The following FAM168A variants were observed in gnomAD, a reference collection of about 807,000 sequenced individuals.
FAM168A encodes the protein family with sequence similarity 168 member A.
Under a neutral mutation model 28.5 loss-of-function variants are expected in FAM168A, and 3 were observed. The ratio of observed to expected loss-of-function variants is 0.11; its 90% CI spans 0.05 to 0.27. FAM168A has a LOEUF of 0.27. FAM168A is among the 10% of genes least tolerant of loss of function. FAM168A has a pLI of 1.00. For synonymous variants in FAM168A, 122 were observed against 124.2 expected, an observed-to-expected ratio of 0.98 and a Z score of 0.12; for missense variants, 222 against 311.5, an observed-to-expected ratio of 0.71 and a Z score of 2.16.
chr11:73,482,587 T>C (rs544409543), intron 1 of FAM168A, among the ~76,000 whole-genome samples: 96 of 151,904 alleles, frequency 6.3e-4, no homozygotes, highest in African/African-American at 2.1e-3. Flanking sequence ...TATATTAGTT[T>C]TTTGAAGCAA....
intron 4 of FAM168A, among the ~76,000 whole-genome samples, chr11:73,418,048 A>G (rs1866726288): frequency 6.6e-6 from 1 of 152,190 alleles, no homozygotes; most frequent in African/African-American, 2.4e-5. Flanking sequence ...ACTGAGTGTA[A>G]TGTAGATTAA....
chr11:73,491,291 C>T (rs970386230), intron 1 of FAM168A, among the ~76,000 whole-genome samples: 5 of 152,088 alleles, frequency 3.3e-5, no homozygotes, highest in Non-Finnish European at 5.9e-5. Context: ...ACCACTCCAG[C>T]GGGAAGGAGA....
chr11:73,559,655 T>G (rs1406188691), intron 1 of FAM168A, among the ~76,000 whole-genome samples: 1 of 152,158 alleles, frequency 6.6e-6, no homozygotes, highest in Admixed American at 6.5e-5. Context: ...GGAATGACTG[T>G]TTAGTGGATA....
At chr11:73,537,274 T>C (rs549567149) in intron 1 of FAM168A, among the ~76,000 whole-genome samples, 2 of 152,164 alleles carry the variant, frequency 1.3e-5, no homozygotes, top group South Asian at 2.1e-4. Flanking sequence ...AAGAAACACT[T>C]TGTAGGCCAG....
At chr11:73,523,489 T>G (rs1435403717) in intron 1 of FAM168A, among the ~76,000 whole-genome samples, 6 of 152,128 alleles carry the variant, frequency 3.9e-5, no homozygotes, top group Non-Finnish European at 8.8e-5. Context: ...AATAGATTGA[T>G]AGTTTCACAA....
Position 73,445,419 on chromosome 11 carries a change from C to CTTTTTTTTTTTTTTTT in FAM168A, c.71-14665_71-14650dup, listed in dbSNP as rs56294455. On this transcript the variant is annotated intron_variant, in intron 2 of 7. Transcript: ENST00000356467. ...CCAGTAGATATATGTAAAAATGTCT[C>CTTTTTTTTTTTTTTTT]TTTTTTTTTTTTTTTTTTTTTTTTT... Among the ~76,000 whole-genome samples the CTTTTTTTTTTTTTTTT allele has an allele frequency of 1.3e-3, 66 of 50,464 alleles. 6 individuals carry two copies. The highest frequency in any genetic ancestry group is 1.5e-3 in the African/African-American group (21 of 14,032). The allele number at this position is 50,464 out of a possible 152,430, so 33.1% of individuals were successfully genotyped here. A position where few individuals can be genotyped will look rare whatever the true frequency, so the allele number is the denominator to read the frequency against.
intron 3 of FAM168A, among the ~76,000 whole-genome samples, chr11:73,429,876 A>T (rs1391075159): frequency 6.6e-6 from 1 of 152,218 alleles, no homozygotes; most frequent in Non-Finnish European, 1.5e-5. Flanking sequence ...TTATTGAGTA[A>T]ATGGAACTTA....
intron 1 of FAM168A, among the ~76,000 whole-genome samples, chr11:73,512,527 T>A (rs1358244574): frequency 2.0e-5 from 3 of 152,240 alleles, no homozygotes; most frequent in Non-Finnish European, 4.4e-5. Context: ...AACCTCTGAA[T>A]TGTGTACTTT....
chr11:73,455,278 G>A (rs1395057995), intron 2 of FAM168A, among the ~76,000 whole-genome samples: 5 of 152,212 alleles, frequency 3.3e-5, no homozygotes, highest in Non-Finnish European at 1.5e-5. Context: ...GTTTGTTCCT[G>A]CCAGCGCCCA....
chr11:73,548,767 A>G (rs1200259611), intron 1 of FAM168A, among the ~76,000 whole-genome samples: 1 of 151,988 alleles, frequency 6.6e-6, no homozygotes. Flanking sequence ...TAGCCTGCTG[A>G]GTAGCTGGGA....
At chr11:73,590,267 G>C (rs1270761835) in intron 1 of FAM168A, among the ~76,000 whole-genome samples, 1 of 152,092 alleles carries the variant, frequency 6.6e-6, no homozygotes, top group Non-Finnish European at 1.5e-5. Flanking sequence ...ACCAGGCATG[G>C]TGGCACATGC....
chr11:73,467,785 T>C (rs532336648), intron 2 of FAM168A, among the ~76,000 whole-genome samples: 1 of 152,334 alleles, frequency 6.6e-6, no homozygotes, highest in African/African-American at 2.4e-5. Flanking sequence ...CATGAGCTAG[T>C]AGGGTATAGG....
At chr11:73,482,074 C>T (rs1383052036) in intron 1 of FAM168A, among the ~76,000 whole-genome samples, 5 of 152,056 alleles carry the variant, frequency 3.3e-5, no homozygotes, top group East Asian at 1.9e-4. Flanking sequence ...TCTTGGACCT[C>T]CCAGCCTCTA....
At chr11:73,445,992 G>A (rs921923065) in intron 2 of FAM168A, among the ~76,000 whole-genome samples, 2 of 152,228 alleles carry the variant, frequency 1.3e-5, no homozygotes, top group Non-Finnish European at 2.9e-5. Context: ...TCTGACAAAA[G>A]AGAATGAAGG....
intron 1 of FAM168A, among the ~76,000 whole-genome samples, chr11:73,522,249 A>T (rs999045385): frequency 5.3e-5 from 8 of 151,668 alleles, no homozygotes; most frequent in Non-Finnish European, 1.2e-4. Context: ...CATTTTGGAA[A>T]GCAATTTTAT....
At chr11:73,434,443 T>C (rs1316555305) in intron 2 of FAM168A, among the ~76,000 whole-genome samples, 1 of 152,196 alleles carries the variant, frequency 6.6e-6, no homozygotes, top group Admixed American at 6.5e-5. Flanking sequence ...GAGAAGGTAT[T>C]ATTTTTGCAA....
chr11:73,497,404 G>A (rs1590816499), intron 1 of FAM168A, among the ~76,000 whole-genome samples: 1 of 151,790 alleles, frequency 6.6e-6, no homozygotes, highest in East Asian at 1.9e-4. Context: ...GGCGGAGGTT[G>A]CACCACTGCA....
chr11:73,529,975 C>T (rs946453226), intron 1 of FAM168A, among the ~76,000 whole-genome samples: 3 of 151,810 alleles, frequency 2.0e-5, no homozygotes, highest in African/African-American at 7.3e-5. Context: ...TTAGTAGAGA[C>T]AGGGTTTCAC....
At chr11:73,536,810 C>T (rs896584154) in intron 1 of FAM168A, among the ~76,000 whole-genome samples, 2 of 152,122 alleles carry the variant, frequency 1.3e-5, no homozygotes, top group African/African-American at 4.8e-5. Context: ...GATGCTGCAC[C>T]GTATCTGCAT....
Sources: allele counts gnomAD v4.1 joint callset (sites outside exome capture counted in the v4.1 genomes callset), GRCh38; gene constraint gnomAD v4.1.1; transcripts MANE v1.5; gene names NCBI Gene and HGNC (gene_info 2026-07-23, HGNC 2026-07-21).